RAB3C: variants seen among roughly 807,000 people sequenced by gnomAD.
RAB3C encodes ras-related protein Rab-3C.
In RAB3C, 17 loss-of-function variants were observed where a neutral mutation model predicts 26.4. That is an observed-to-expected ratio of 0.64 (90% CI 0.44 to 0.97). The LOEUF (loss-of-function observed/expected upper bound fraction) is 0.97. Ranked by LOEUF, RAB3C falls within the 50% of genes least tolerant of loss-of-function variation. RAB3C has a pLI of 0.00. For missense variants in RAB3C, 242 were observed against 281.9 expected, an observed-to-expected ratio of 0.86 and a Z score of 1.01; for synonymous variants, 91 against 95.9, an observed-to-expected ratio of 0.95 and a Z score of 0.30.
chr5:58,759,871 G>A (rs992248592), intron 3 of RAB3C, among the ~76,000 whole-genome samples: 8 of 152,162 alleles, frequency 5.3e-5, no homozygotes, highest in African/African-American at 1.9e-4. Flanking sequence ...GCCTATAAGA[G>A]CATAAACTAC....
intron 1 of RAB3C, among the ~76,000 whole-genome samples, chr5:58,598,671 C>G (rs928704295): frequency 5.3e-5 from 8 of 152,098 alleles, no homozygotes; most frequent in Non-Finnish European, 1.2e-4. Flanking sequence ...ACACTTCTAT[C>G]TAAACACAGA....
At chr5:58,733,724 G>A (rs293014) in intron 3 of RAB3C, among the ~76,000 whole-genome samples, 84,681 of 151,992 alleles carry the variant, frequency 0.56, 23,889 homozygotes, top group East Asian at 0.62. Flanking sequence ...CACTTCCTTC[G>A]AAGTGTTTCT....
chr5:58,778,373 C>G (rs1012924118), intron 3 of RAB3C, among the ~76,000 whole-genome samples: 1 of 152,082 alleles, frequency 6.6e-6, no homozygotes, highest in Non-Finnish European at 1.5e-5. Flanking sequence ...TCCTTTAGAG[C>G]CTCCTAAAAG....
intron 2 of RAB3C, among the ~76,000 whole-genome samples, chr5:58,636,217 G>A (rs1371305383): frequency 6.6e-6 from 1 of 152,128 alleles, no homozygotes; most frequent in Non-Finnish European, 1.5e-5. Context: ...CTTCTGTCTG[G>A]TCTTCCTGGT....
intron 4 of RAB3C, 72 bp downstream of exon 4, chr5:58,825,234 G>A: frequency 9.3e-6 from 13 of 1,394,906 alleles, no homozygotes; most frequent in Non-Finnish European, 1.2e-5. Context: ...CAGAGTCCGA[G>A]CTAATTGTCA....
chr5:58,706,098 T>C (rs1057292866), intron 2 of RAB3C, among the ~76,000 whole-genome samples: 4 of 152,200 alleles, frequency 2.6e-5, no homozygotes, highest in African/African-American at 9.6e-5. Context: ...AAACAACCAC[T>C]GGGTGATCTA....
chr5:58,799,730 G>A (rs1742761884), intron 3 of RAB3C, among the ~76,000 whole-genome samples: 1 of 152,124 alleles, frequency 6.6e-6, no homozygotes, highest in Non-Finnish European at 1.5e-5. Context: ...TTCATTCCAT[G>A]TCAATCATTA....
In RAB3C at chr5:58,855,845, C is replaced by A. The variant is rs544887066; in HGVS notation, c.*4494C>A. 7 of 152,164 alleles carry A rather than the reference C, an allele frequency of 4.6e-5. No homozygotes were observed. The highest frequency in any genetic ancestry group is 8.8e-5 in the Non-Finnish European group (6 of 68,030). 9.4% of individuals were successfully genotyped at this position (152,164 alleles called of 1,614,324 possible). Reference sequence around the variant, plus strand: ...GGCTCTAGGTTGTAGAAATATAGTACCCCCTAACAGGGAAAAACCAAGTTG... The same window carrying A: ...GGCTCTAGGTTGTAGAAATATAGTAACCCCTAACAGGGAAAAACCAAGTTG... On this transcript the variant is annotated 3_prime_UTR_variant, in exon 5 of 5. Transcript: ENST00000282878.
intron 1 of RAB3C, among the ~76,000 whole-genome samples, chr5:58,599,609 T>A (rs541328157): frequency 6.6e-6 from 1 of 152,248 alleles, no homozygotes; most frequent in East Asian, 1.9e-4. Context: ...AACTACATAC[T>A]ATGGGCTGAG....
intron 2 of RAB3C, among the ~76,000 whole-genome samples, chr5:58,714,304 G>A (rs1749123354): frequency 6.6e-6 from 1 of 152,118 alleles, no homozygotes; most frequent in Admixed American, 6.6e-5. Context: ...ATCAACTAAA[G>A]CCTGAAGACA....
chr5:58,665,695 T>C (rs1202735345), intron 2 of RAB3C, among the ~76,000 whole-genome samples: 1 of 152,212 alleles, frequency 6.6e-6, no homozygotes, highest in African/African-American at 2.4e-5. Flanking sequence ...ATCCTGGGAC[T>C]GCTTCTCCTT....
At chr5:58,655,701 A>G (rs1747754036) in intron 2 of RAB3C, among the ~76,000 whole-genome samples, 1 of 152,202 alleles carries the variant, frequency 6.6e-6, no homozygotes, top group Non-Finnish European at 1.5e-5. Context: ...TTTGAGATCA[A>G]GCATATTTGC....
At chr5:58,794,910 G>T (rs867618486) in intron 3 of RAB3C, among the ~76,000 whole-genome samples, 2 of 152,340 alleles carry the variant, frequency 1.3e-5, no homozygotes, top group South Asian at 2.1e-4. Flanking sequence ...AATCTGCATT[G>T]CTAACAAGCA....
intron 3 of RAB3C, among the ~76,000 whole-genome samples, chr5:58,730,152 ACTTGT>A (rs2111927639): frequency 6.6e-6 from 1 of 151,930 alleles, no homozygotes; most frequent in East Asian, 1.9e-4. Context: ...TTAAGTGTAT[ACTTGT>A]CTTAAGTTCC....
At chr5:58,720,082 C>G (rs551265528) in intron 2 of RAB3C, among the ~76,000 whole-genome samples, 1 of 151,894 alleles carries the variant, frequency 6.6e-6, no homozygotes. Flanking sequence ...AATTGAGGGA[C>G]TTCGACACTA....
intron 1 of RAB3C, among the ~76,000 whole-genome samples, chr5:58,595,968 T>G (rs1351605554): frequency 3.3e-5 from 5 of 152,144 alleles, no homozygotes; most frequent in African/African-American, 1.2e-4. Context: ...GAGTTTTTTC[T>G]AATGTTTTAA....
rs201051178 is a variant in RAB3C at position 58,761,061 on chromosome 5, T to A, written c.371+34941T>A. The stretch of plus-strand genomic sequence containing the variant: ...CTCTCTCTCTCTCCCTCTCTCTCTC[T>A]CTCACACACACACACACACACACAC... On this transcript the variant is annotated intron_variant, in intron 3 of 4. Coordinates refer to ENST00000282878, the MANE Select transcript of RAB3C (RefSeq NM_138453.4). 4.7e-3 allele frequency among the ~76,000 whole-genome samples: 600 copies of A among 126,506 alleles called. 3 individuals are homozygous for A. Among genetic ancestry groups the A allele is most frequent in the African/African-American group, 0.012 (407 of 35,192 alleles). The allele number at this position is 126,506 out of a possible 152,430, so 83.0% of individuals were successfully genotyped here. A position where few individuals can be genotyped will look rare whatever the true frequency, so the allele number is the denominator to read the frequency against.
chr5:58,588,448 CTAA>C, intron 1 of RAB3C, among the ~76,000 whole-genome samples: 1 of 152,162 alleles, frequency 6.6e-6, no homozygotes, highest in East Asian at 1.9e-4. Context: ...TTGAATTTTC[CTAA>C]TGATGAACGG....
chr5:58,679,612 G>C (rs1239598966), intron 2 of RAB3C, among the ~76,000 whole-genome samples: 1 of 152,064 alleles, frequency 6.6e-6, no homozygotes, highest in Non-Finnish European at 1.5e-5. Context: ...CTGACCAAAG[G>C]CAGTTTTGTT....
Sources: gnomAD v4.1 joint callset for allele counts (sites outside exome capture counted in the v4.1 genomes callset) on GRCh38, gnomAD v4.1.1 for gene constraint, MANE v1.5 for transcripts, NCBI Gene and HGNC (gene_info 2026-07-23, HGNC 2026-07-21) for gene names.